Variants in DENND5B observed in about 807,000 individuals in gnomAD.
The protein encoded by DENND5B is DENN domain containing 5B, also known as DENN domain-containing protein 5B.
Under a neutral mutation model 140.6 loss-of-function variants are expected in DENND5B, and 34 were observed. The observed-to-expected ratio is 0.24, with a 90% confidence interval of 0.18 to 0.32. DENND5B has a LOEUF of 0.32. Among genes scored for constraint, DENND5B ranks in the 10% least tolerant of loss-of-function variants. The probability of loss-of-function intolerance (pLI) is 1.00; values close to 1 mark genes in which losing one functional copy is unlikely to be tolerated. For missense variants in DENND5B, 1,142 were observed against 1,560.2 expected (o/e 0.73, Z 4.52); for synonymous variants, 551 against 562.1 (o/e 0.98, Z 0.28).
intron 1 of DENND5B, among the ~76,000 whole-genome samples, chr12:31,584,647 C>A (rs1055238374): frequency 6.6e-6 from 1 of 151,780 alleles, no homozygotes; most frequent in Non-Finnish European, 1.5e-5. Context: ...GTAGAGATGG[C>A]AAAACCCCAT....
intron 1 of DENND5B, among the ~76,000 whole-genome samples, chr12:31,506,148 A>T (rs1173450912): frequency 6.6e-6 from 1 of 152,188 alleles, no homozygotes; most frequent in Non-Finnish European, 1.5e-5. Flanking sequence ...TTAAGATTTT[A>T]GTAAGAGTAC....
intron 1 of DENND5B, among the ~76,000 whole-genome samples, chr12:31,519,247 C>T (rs913804910): frequency 1.3e-5 from 2 of 152,132 alleles, no homozygotes; most frequent in African/African-American, 4.8e-5. Context: ...GATTTGCATC[C>T]TTTGCTACTC....
At chr12:31,552,661 C>T (rs531031242) in intron 1 of DENND5B, among the ~76,000 whole-genome samples, 1 of 152,274 alleles carries the variant, frequency 6.6e-6, no homozygotes, top group South Asian at 2.1e-4. Context: ...CTTGTACCTA[C>T]CTCTGGTAGA....
At chr12:31,590,496 A>G in intron 1 of DENND5B, 2 of 554,126 alleles carry the variant, frequency 3.6e-6, no homozygotes, top group Non-Finnish European at 5.6e-6. Flanking sequence ...CTGGAGGCGA[A>G]AGCCCCGGTG....
intron 11 of DENND5B, among the ~76,000 whole-genome samples, chr12:31,422,179 G>A (rs528764705): frequency 6.6e-6 from 1 of 151,668 alleles, no homozygotes; most frequent in African/African-American, 2.4e-5. Context: ...CAGCACTTTG[G>A]GAGGCCGAGG....
At chr12:31,524,728 AG>A (rs955092168) in intron 1 of DENND5B, among the ~76,000 whole-genome samples, 2 of 151,710 alleles carry the variant, frequency 1.3e-5, no homozygotes, top group Non-Finnish European at 2.9e-5. Flanking sequence ...AGAAAAAAAA[AG>A]AAATTTGAGC....
chr12:31,487,447 C>A (rs545678225), intron 2 of DENND5B, among the ~76,000 whole-genome samples: 6 of 152,244 alleles, frequency 3.9e-5, no homozygotes, highest in Admixed American at 3.9e-4. Context: ...CCCATAATCC[C>A]AGTACTTCGG....
chr12:31,580,028 T>C (rs1950165930), intron 1 of DENND5B, among the ~76,000 whole-genome samples: 1 of 151,896 alleles, frequency 6.6e-6, no homozygotes, highest in Admixed American at 6.6e-5. Flanking sequence ...CTGTACTGAC[T>C]GACTGTGCCC....
intron 1 of DENND5B, among the ~76,000 whole-genome samples, chr12:31,544,785 A>C (rs1404947451): frequency 6.6e-6 from 1 of 152,196 alleles, no homozygotes; most frequent in African/African-American, 2.4e-5. Flanking sequence ...TCCTGATAGG[A>C]TGCACTATGA....
At chr12:31,546,491 A>T (rs1362828103) in intron 1 of DENND5B, among the ~76,000 whole-genome samples, 1 of 152,140 alleles carries the variant, frequency 6.6e-6, no homozygotes, top group Non-Finnish European at 1.5e-5. Context: ...GTTCGAGACC[A>T]GCCTGACCAA....
chr12:31,426,604 A>AT, intron 8 of DENND5B, 180 bp from the exon 9 acceptor site: 1 of 596,370 alleles, frequency 1.7e-6, no homozygotes, highest in Non-Finnish European at 2.8e-6. Flanking sequence ...ATGCCACCCC[A>AT]TAACAACTGT....
rs533279006 is a variant in DENND5B at position 31,511,523 on chromosome 12, C to T, written c.128-15604G>A. Among the ~76,000 whole-genome samples, 7 of 139,378 alleles carry T rather than the reference C, an allele frequency of 5.0e-5. No homozygotes were observed. The South Asian group carries it at 1.2e-3, about 24-fold the overall frequency. 91.4% of individuals were successfully genotyped at this position (139,378 alleles called of 152,430 possible). On this transcript the variant is annotated intron_variant, in intron 1 of 20. Coordinates refer to ENST00000389082, the MANE Select transcript of DENND5B (RefSeq NM_144973.4). The stretch of plus-strand genomic sequence containing the variant: ...TCCTTTCTTGGTTATCTTAATAATA[C>T]GTGAATATGATGTCTTTTTTTTTTT...
At chr12:31,416,259 T>C (rs1942731917) in intron 11 of DENND5B, among the ~76,000 whole-genome samples, 1 of 151,952 alleles carries the variant, frequency 6.6e-6, no homozygotes, top group Non-Finnish European at 1.5e-5. Context: ...GGCACTTTTT[T>C]TTGTATTTTT....
intron 7 of DENND5B, among the ~76,000 whole-genome samples, chr12:31,437,409 C>CA (rs1289762823): frequency 1.3e-4 from 20 of 152,170 alleles, no homozygotes. Flanking sequence ...GCTGGGATTA[C>CA]AGGCGTGAAC....
chr12:31,428,580 T>A (rs1943355622), intron 8 of DENND5B, among the ~76,000 whole-genome samples: 1 of 151,682 alleles, frequency 6.6e-6, no homozygotes, highest in Non-Finnish European at 1.5e-5. Flanking sequence ...TTTTGTATTT[T>A]TTTTTGAGAC....
rs537144505 is a variant in DENND5B, at chr12:31,417,258, G to A, written c.2471-1810C>T. Among the ~76,000 whole-genome samples, 13 of 148,614 alleles carry A rather than the reference G, an allele frequency of 8.7e-5. No homozygotes were observed. The East Asian group carries it at 2.4e-3, about 28-fold the overall frequency. ...TGTAGTCCCAGCTACTCGGGAGGCT[G>A]AGGCAAGACAATGGCATGAACCCGG... On this transcript the variant is annotated intron_variant, in intron 11 of 20. Coordinates refer to ENST00000389082, the MANE Select transcript of DENND5B (RefSeq NM_144973.4).
chr12:31,549,050 T>A (rs1948951974), intron 1 of DENND5B, among the ~76,000 whole-genome samples: 1 of 152,130 alleles, frequency 6.6e-6, no homozygotes, highest in Non-Finnish European at 1.5e-5. Context: ...CACCTGCCAC[T>A]ATACCTGGCT....
At chr12:31,411,781 G>A (rs186961278) in intron 13 of DENND5B, among the ~76,000 whole-genome samples, 12 of 152,130 alleles carry the variant, frequency 7.9e-5, no homozygotes, top group Admixed American at 2.6e-4. Flanking sequence ...TGCTCCAGGG[G>A]GTATGTAATC....
At chr12:31,422,582 C>G (rs1378788255) in intron 11 of DENND5B, among the ~76,000 whole-genome samples, 2 of 152,158 alleles carry the variant, frequency 1.3e-5, no homozygotes, top group African/African-American at 4.8e-5. Context: ...ACCTGGGTGA[C>G]AAGATCGAGA....
Sources: allele counts gnomAD v4.1 joint callset (sites outside exome capture counted in the v4.1 genomes callset), GRCh38; gene constraint gnomAD v4.1.1; transcripts MANE v1.5; gene names NCBI Gene and HGNC (gene_info 2026-07-23, HGNC 2026-07-21).